The following WASF1 variants were observed in gnomAD, a reference collection of about 807,000 sequenced individuals.
WASF1 encodes WASP family member 1.
In WASF1, 7 loss-of-function variants were observed where a neutral mutation model predicts 50.5. The observed-to-expected ratio is 0.14, with a 90% CI of 0.08 to 0.26. The LOEUF (loss-of-function observed/expected upper bound fraction) is 0.26, where lower values mean the gene tolerates loss of function less well. Ranked by LOEUF, WASF1 falls within the 10% of genes least tolerant of loss-of-function variation. The pLI, the probability that WASF1 is intolerant of heterozygous loss-of-function variation, is 1.00. For synonymous variants in WASF1, 205 were observed against 244.0 expected (o/e 0.84, Z 1.49); for missense variants, 470 against 694.7 (o/e 0.68, Z 3.64).
chr6:110,154,449 C>A (rs1182707100), intron 3 of WASF1, among the ~76,000 whole-genome samples: 1 of 151,712 alleles, frequency 6.6e-6, no homozygotes, highest in Non-Finnish European at 1.5e-5. Context: ...ATGGTTTGAG[C>A]CAGGACAGTA....
In WASF1 at chr6:110,105,519, G is replaced by A. The variant is rs756948749; in HGVS notation, c.601C>T (p.Arg201Trp). The stretch of plus-strand genomic sequence containing the variant: ...TGGGCCAGCTTCTGCCATTCTCGCC[G>A]CCTGTCATGAGGTGCTCTTGGCACT... The part of the protein sequence containing the change: ...EKVPRAPHDR[R>W]REWQKLAQGP... Residue 201 changes from arginine (R) to tryptophan (W), a missense_variant, in exon 8 of 11, where the codon CGG becomes TGG. This residue lies in a region of WASF1 where 140 missense variants were observed against 260.5 expected (regional missense o/e 0.54). Transcript: ENST00000392589. The A allele has an allele frequency of 6.2e-7, 1 of 1,613,832 alleles. No homozygotes were observed. Among genetic ancestry groups the A allele is most frequent in the South Asian group, 1.1e-5 (1 of 91,078 alleles).
At chr6:110,159,181 T>A (rs1776158871) in intron 3 of WASF1, among the ~76,000 whole-genome samples, 1 of 151,868 alleles carries the variant, frequency 6.6e-6, no homozygotes, top group South Asian at 2.1e-4. Context: ...CAGATTACTT[T>A]AAAAACTGGG....
chr6:110,155,664 T>C (rs1407851445), intron 3 of WASF1, among the ~76,000 whole-genome samples: 3 of 76,056 alleles, frequency 3.9e-5, no homozygotes, highest in Non-Finnish European at 7.4e-5. Context: ...TAATGTGTCA[T>C]CTAGCATTAG....
At chr6:110,123,178 T>A (rs912197888) in intron 4 of WASF1, among the ~76,000 whole-genome samples, 1 of 152,312 alleles carries the variant, frequency 6.6e-6, no homozygotes. Context: ...TCAGCATTTA[T>A]ATATAATCAG....
intron 4 of WASF1, among the ~76,000 whole-genome samples, chr6:110,120,918 C>A (rs1228290867): frequency 2.0e-5 from 3 of 151,944 alleles, no homozygotes; most frequent in Admixed American, 2.0e-4. Context: ...ACAAACCTGA[C>A]AAAAACAAGA....
intron 3 of WASF1, among the ~76,000 whole-genome samples, chr6:110,151,796 G>T (rs934414604): frequency 5.3e-5 from 8 of 152,086 alleles, no homozygotes; most frequent in African/African-American, 1.9e-4. Context: ...AGAAAAAGTG[G>T]TAAGTATATT....
At chr6:110,158,901 G>A (rs975808779) in intron 3 of WASF1, among the ~76,000 whole-genome samples, 2 of 151,994 alleles carry the variant, frequency 1.3e-5, no homozygotes, top group Non-Finnish European at 2.9e-5. Context: ...AGTTCATGGT[G>A]AGTTAGTCCT....
At chr6:110,103,235 G>T in intron 9 of WASF1, 143 bp downstream of exon 9, 1 of 762,658 alleles carries the variant, frequency 1.3e-6, no homozygotes, top group Non-Finnish European at 2.1e-6. Context: ...ATTCTATGGT[G>T]GCTTTCATGC....
intron 4 of WASF1, among the ~76,000 whole-genome samples, chr6:110,120,507 C>T (rs1210525281): frequency 3.3e-5 from 5 of 152,146 alleles, no homozygotes; most frequent in African/African-American, 1.2e-4. Flanking sequence ...TCAAGGAGAA[C>T]TACAAACCAC....
intron 4 of WASF1, among the ~76,000 whole-genome samples, chr6:110,121,379 GA>G (rs1336303070): frequency 6.6e-6 from 1 of 152,188 alleles, no homozygotes; most frequent in Non-Finnish European, 1.5e-5. Flanking sequence ...CAAAGGATAT[GA>G]ACAGGCACTT....
chr6:110,104,308 A>G (rs1465908859), intron 8 of WASF1, among the ~76,000 whole-genome samples: 5 of 152,164 alleles, frequency 3.3e-5, no homozygotes, highest in African/African-American at 7.2e-5. Context: ...TAATTACTCA[A>G]CTGTAGTAGA....
chr6:110,176,850 A>G (rs985327319), intron 2 of WASF1, among the ~76,000 whole-genome samples: 5 of 152,104 alleles, frequency 3.3e-5, no homozygotes, highest in Middle Eastern at 3.2e-3. Flanking sequence ...ACCATACAAT[A>G]GTAACTTTAA....
At position 110,155,536 on chromosome 6, in the gene WASF1, CTTTTTTTTTTT is replaced by C. The variant is rs66645132; in HGVS notation, c.-29+5088_-29+5098del. 4.3e-3 allele frequency among the ~76,000 whole-genome samples: 196 copies of C among 45,992 alleles called. 10 individuals carry two copies. The highest frequency in any genetic ancestry group is 0.017 in the East Asian group (19 of 1,088). The allele number at this position is 45,992 out of a possible 152,430, so 30.2% of individuals were successfully genotyped here. A position where few individuals can be genotyped will look rare whatever the true frequency, so the allele number is the denominator to read the frequency against. ...GACTACATTATTTCTAAAGTGCCTTCTTTTTTTTTTTTTTTTTTTTTTTTTTTTTATTATAC... is the reference window on the plus strand; with the variant it reads ...GACTACATTATTTCTAAAGTGCCTTCTTTTTTTTTTTTTTTTTTATTATAC... On this transcript the variant is annotated intron_variant, in intron 3 of 10. Coordinates refer to ENST00000392589, the MANE Select transcript of WASF1 (RefSeq NM_003931.3).
At chr6:110,161,218 C>T (rs547458530) in intron 2 of WASF1, among the ~76,000 whole-genome samples, 15 of 151,664 alleles carry the variant, frequency 9.9e-5, no homozygotes, top group East Asian at 1.9e-4. Context: ...CTTTTACTCA[C>T]GATGTACTGT....
chr6:110,106,069 C>T (rs1409283087), intron 7 of WASF1, among the ~76,000 whole-genome samples: 6 of 152,154 alleles, frequency 3.9e-5, no homozygotes, highest in African/African-American at 1.4e-4. Context: ...CAACAGAAAA[C>T]ATTGTCTTTA....
At position 110,108,519 on chromosome 6, in the gene WASF1, C is replaced by T. The variant is rs1241959202; in HGVS notation, c.422+9G>A. On this transcript the variant is annotated intron_variant, in intron 6 of 10. Coordinates refer to ENST00000392589, the MANE Select transcript of WASF1 (RefSeq NM_003931.3). ...AAATAATAGGGCTACTATTTATTAA[C>T]CTACCTACCTATAAGGAGTGAGTAT... The T allele has an allele frequency of 3.8e-6, 6 of 1,599,406 alleles. No individual in the cohort carries two copies. Among genetic ancestry groups the T allele is most frequent in the Non-Finnish European group, 4.3e-6 (5 of 1,172,254 alleles).
At chr6:110,124,268 CTCTCTCTATATA>C (rs1375647229) in intron 4 of WASF1, among the ~76,000 whole-genome samples, 39 of 59,216 alleles carry the variant, frequency 6.6e-4, no homozygotes, top group Non-Finnish European at 9.1e-4. Context: ...CTCTCTCTCT[CTCTCTCTATATA>C]TATATATATA....
chr6:110,153,734 T>C (rs1411718322), intron 3 of WASF1, among the ~76,000 whole-genome samples: 1 of 151,886 alleles, frequency 6.6e-6, no homozygotes, highest in Non-Finnish European at 1.5e-5. Flanking sequence ...TAAAACCTGG[T>C]TTCTACAATG....
In WASF1 at chr6:110,105,478, A is replaced by G; in HGVS notation, c.642T>C (p.Ala214=). ...WQKLAQGPEL[A]EDDANLLHKH... ...TATGTAAGAGATTAGCATCATCTTCAGCCAGCTCTGGACCTTGGGCCAGCT... is the reference window on the plus strand; with the variant it reads ...TATGTAAGAGATTAGCATCATCTTCGGCCAGCTCTGGACCTTGGGCCAGCT... The change falls in exon 8 of 11, where the codon GCT becomes GCC. Residue 214 remains alanine, a synonymous_variant. Coordinates refer to ENST00000392589, the MANE Select transcript of WASF1 (RefSeq NM_003931.3). The G allele has an allele frequency of 6.2e-7, 1 of 1,613,972 alleles. No homozygotes were observed.
Sources: gnomAD v4.1 joint callset for allele counts (sites outside exome capture counted in the v4.1 genomes callset) on GRCh38, gnomAD v4.1.1 for gene constraint, gnomAD v4.1.1 regional missense constraint, MANE v1.5 for transcripts, NCBI Gene and HGNC (gene_info 2026-07-23, HGNC 2026-07-21) for gene names.